Variants in HOXD13 observed in about 807,000 individuals in gnomAD.
HOXD13 encodes the protein homeobox D13, also known as homeobox protein Hox-D13.
A neutral mutation model predicts 27.3 loss-of-function variants in HOXD13; 16 were observed. That is an observed-to-expected ratio of 0.59 (90% CI 0.40 to 0.89). The LOEUF (loss-of-function observed/expected upper bound fraction) is 0.89, where lower values mean the gene tolerates loss of function less well. Ranked by LOEUF, HOXD13 falls within the 40% of genes least tolerant of loss-of-function variation. The pLI is 0.00. For missense variants in HOXD13, 481 were observed against 482.6 expected, an observed-to-expected ratio of 1.00 and a Z score of 0.03; for synonymous variants, 241 against 219.0, an observed-to-expected ratio of 1.10 and a Z score of -0.89.
upstream of HOXD13, among the ~76,000 whole-genome samples, chr2:176,091,886 A>C (rs1689325288): frequency 1.3e-5 from 2 of 152,110 alleles, no homozygotes; most frequent in African/African-American, 2.4e-5. Context: ...CGCCGTTCTC[A>C]GGGTCTTTCT....
At chr2:176,088,784 C>A (rs1689279826), upstream of HOXD13, among the ~76,000 whole-genome samples, 2 of 152,124 alleles carry the variant, frequency 1.3e-5, no homozygotes, top group Admixed American at 1.3e-4. Flanking sequence ...CTTGAAATGT[C>A]GGATAAAACT....
Position 176,093,133 on chromosome 2 carries a change from G to A in HOXD13, c.243G>A (p.Glu81=). 5 of 1,604,554 alleles carry A rather than the reference G, an allele frequency of 3.1e-6. No individual in the cohort carries two copies. The highest frequency in any genetic ancestry group is 4.2e-6 in the Non-Finnish European group (5 of 1,179,110). ...ASGFAYPGTS[E]RTGSSSSSSS... Reference sequence around the variant, plus strand: ...GCTTTGCGTACCCCGGGACCTCTGAGCGCACGGGCTCTTCCTCGTCGTCGT... The same window carrying A: ...GCTTTGCGTACCCCGGGACCTCTGAACGCACGGGCTCTTCCTCGTCGTCGT... Residue 81 remains glutamate, a synonymous_variant, in exon 1 of 2, where the codon GAG becomes GAA. Coordinates refer to ENST00000392539, the MANE Select transcript of HOXD13 (RefSeq NM_000523.4).
In HOXD13 at chr2:176,094,536, A is replaced by T; in HGVS notation, c.838A>T (p.Arg280Ter). ...CGTCTACCGAAGAGGGAGGAAGAAG[A>T]GAGTGCCTTACACCAAACTGCAGCT... The part of the protein sequence containing the change: ...MCVYRRGRKK[R>*]VPYTKLQLKE... Residue 280 changes from arginine (R) to a stop codon, truncating the protein, a stop_gained, in exon 2 of 2, where the codon AGA becomes TGA. Coordinates refer to ENST00000392539, the MANE Select transcript of HOXD13 (RefSeq NM_000523.4). LOFTEE classifies it high-confidence loss of function. 1 of 1,614,038 alleles carries T rather than the reference A, an allele frequency of 6.2e-7. No individual in the cohort carries two copies. The highest frequency in any genetic ancestry group is 8.5e-7 in the Non-Finnish European group (1 of 1,179,888).
upstream of HOXD13, among the ~76,000 whole-genome samples, chr2:176,090,562 A>G (rs182081063): frequency 3.3e-5 from 5 of 152,376 alleles, no homozygotes; most frequent in East Asian, 9.6e-4. Context: ...GATCATTAAA[A>G]TGTACTTATC....
chr2:176,089,392 G>A (rs1175578175), upstream of HOXD13, among the ~76,000 whole-genome samples: 5 of 152,166 alleles, frequency 3.3e-5, no homozygotes, highest in Non-Finnish European at 7.4e-5. Context: ...CAAATATTTG[G>A]CTTCTTACAA....
chr2:176,092,329 G>T (rs1689331832), upstream of HOXD13, among the ~76,000 whole-genome samples: 1 of 152,242 alleles, frequency 6.6e-6, no homozygotes, highest in Admixed American at 6.5e-5. Context: ...GTGCAACTCG[G>T]GGAGCCGAGG....
chr2:176,091,914 C>A (rs1462390784), upstream of HOXD13, among the ~76,000 whole-genome samples: 1 of 152,000 alleles, frequency 6.6e-6, no homozygotes, highest in Non-Finnish European at 1.5e-5. Context: ...GAAGAAGGAC[C>A]CGCGGGAGCT....
intron 1 of HOXD13, among the ~76,000 whole-genome samples, 176 bp downstream of exon 1, chr2:176,093,847 C>T (rs545444280): frequency 1.3e-5 from 2 of 152,334 alleles, no homozygotes; most frequent in African/African-American, 4.8e-5. Flanking sequence ...TAAATTCCTC[C>T]TCTGATTTCA....
At chr2:176,088,012 C>T (rs769035107), upstream of HOXD13, among the ~76,000 whole-genome samples, 1 of 152,274 alleles carries the variant, frequency 6.6e-6, no homozygotes, top group African/African-American at 2.4e-5. Flanking sequence ...GTAGCTGCAG[C>T]GAAGCCCCGC....
upstream of HOXD13, among the ~76,000 whole-genome samples, chr2:176,089,426 C>T (rs1689290263): frequency 6.6e-6 from 1 of 152,244 alleles, no homozygotes; most frequent in African/African-American, 2.4e-5. Flanking sequence ...GTGTCCTGCA[C>T]TTCCTGATCT....
chr2:176,094,368 C>T, intron 1 of HOXD13, 112 bp from the exon 2 acceptor site: 1 of 1,232,576 alleles, frequency 8.1e-7, no homozygotes, highest in Non-Finnish European at 1.2e-6. Flanking sequence ...TTAAAAATTT[C>T]CTGCACCCCT....
Position 176,092,993 on chromosome 2 carries a change from G to GCGGCGT in HOXD13, c.105_110dup (p.Ala36_Ser37dup), listed in dbSNP as rs1689346059. ...CTCCTCCTCATCGGTGGCGGCGGCGGCGGCGTCAGGCCAGTGCCGCGGCTT... is the reference window on the plus strand; with the variant it reads ...CTCCTCCTCATCGGTGGCGGCGGCGGCGGCGTCGGCGTCAGGCCAGTGCCGCGGCTT... On this transcript the variant is annotated inframe_insertion, in exon 1 of 2. Transcript: ENST00000392539. 7.4e-7 allele frequency: 1 copy of GCGGCGT among 1,354,048 alleles called. No individual in the cohort carries two copies. The highest frequency in any genetic ancestry group is 1.5e-5 in the African/African-American group (1 of 65,186). The allele number at this position is 1,354,048 out of a possible 1,614,324, so 83.9% of individuals were successfully genotyped here.
rs1689358663 is a variant in HOXD13 at position 176,093,383 on chromosome 2, G to A, written c.493G>A (p.Glu165Lys). The A allele has an allele frequency of 6.2e-7, 1 of 1,614,006 alleles. No individual in the cohort carries two copies. Among genetic ancestry groups the A allele is most frequent in the Non-Finnish European group, 8.5e-7 (1 of 1,180,050 alleles). The change falls in exon 1 of 2, where the codon GAG becomes AAG. Residue 165 changes from glutamate (E) to lysine (K), a missense_variant. By Grantham distance (56) the Glu-to-Lys change is moderately conservative (BLOSUM62 1). Coordinates refer to ENST00000392539, the MANE Select transcript of HOXD13 (RefSeq NM_000523.4). The part of the protein sequence containing the change: ...PHASLGGFPV[E>K]KYMDVSGLAS... ...CGCCTCGCTGGGAGGCTTTCCCGTG[G>A]AGAAGTACATGGACGTGTCAGGCCT...
chr2:176,090,346 G>A (rs867551793), upstream of HOXD13, among the ~76,000 whole-genome samples: 1 of 152,356 alleles, frequency 6.6e-6, no homozygotes, highest in East Asian at 1.9e-4. Context: ...GCCCTGCTCT[G>A]AGAGGGTCCC....
At chr2:176,090,569 T>C (rs1689304976), upstream of HOXD13, among the ~76,000 whole-genome samples, 1 of 152,236 alleles carries the variant, frequency 6.6e-6, no homozygotes, top group Non-Finnish European at 1.5e-5. Flanking sequence ...AAAATGTACT[T>C]ATCAGTGAGA....
Position 176,093,180 on chromosome 2 carries a change from C to A in HOXD13, c.290C>A (p.Ala97Glu), listed in dbSNP as rs562638200. 1 of 1,608,612 alleles carries A rather than the reference C, an allele frequency of 6.2e-7. No individual in the cohort carries two copies. Among genetic ancestry groups the A allele is most frequent in the East Asian group, 2.2e-5 (1 of 44,812 alleles). ...TCGTCCTCTTCTGCCGTTGTAGCGG[C>A]GCGCCCGGAGGCTCCCCCAGCCAAA... ...SSSSSSAVVA[A>E]RPEAPPAKEC... The change falls in exon 1 of 2, where the codon GCG (alanine) becomes GAG (glutamate). Residue 97 changes from alanine to glutamate, a missense_variant. Transcript: ENST00000392539.
Position 176,095,744 on chromosome 2 carries a change from C to A in HOXD13, c.*1014C>A, listed in dbSNP as rs563661618. ...TATGAAAAATGTGAAGTTCCAAGGTCCAAGAAGAAAAATAATGATGTTTCT... is the reference window on the plus strand; with the variant it reads ...TATGAAAAATGTGAAGTTCCAAGGTACAAGAAGAAAAATAATGATGTTTCT... On this transcript the variant is annotated 3_prime_UTR_variant, in exon 2 of 2. Transcript: ENST00000392539. 4.5e-6 allele frequency: 1 copy of A among 222,856 alleles called. No homozygotes were observed. The highest frequency in any genetic ancestry group is 9.0e-6 in the Non-Finnish European group (1 of 111,714). The allele number at this position is 222,856 out of a possible 1,614,324, so 13.8% of individuals were successfully genotyped here.
At chr2:176,091,540 C>A (rs1420217016), upstream of HOXD13, among the ~76,000 whole-genome samples, 1 of 152,104 alleles carries the variant, frequency 6.6e-6, no homozygotes, top group Admixed American at 6.5e-5. Context: ...ATCCCTAACA[C>A]CCTGGCAGCT....
In HOXD13 at chr2:176,094,943, G is replaced by C. The variant is rs948744490; in HGVS notation, c.*213G>C. 1.6e-5 allele frequency: 9 copies of C among 570,086 alleles called. No individual in the cohort carries two copies. The highest frequency in any genetic ancestry group is 2.8e-5 in the Non-Finnish European group (9 of 318,822). The allele number at this position is 570,086 out of a possible 1,614,324, so 35.3% of individuals were successfully genotyped here. ...TCTGATTTTTACTTGTTTATTATTG[G>C]TTTTGTTCTTGCCTAGGGTTTTTAA... On this transcript the variant is annotated 3_prime_UTR_variant, in exon 2 of 2. Transcript: ENST00000392539.
Sources: gnomAD v4.1 joint callset for allele counts (sites outside exome capture counted in the v4.1 genomes callset) on GRCh38, gnomAD v4.1.1 for gene constraint, MANE v1.5 for transcripts, NCBI Gene and HGNC (gene_info 2026-07-23, HGNC 2026-07-21) for gene names.